TRIP10: variants seen among roughly 807,000 people sequenced by gnomAD.
TRIP10 encodes cdc42-interacting protein 4.
Under a neutral mutation model 80.9 loss-of-function variants are expected in TRIP10, and 54 were observed. The ratio of observed to expected loss-of-function variants is 0.67; its 90% confidence interval spans 0.54 to 0.84. TRIP10 has a LOEUF of 0.84. Among genes scored for constraint, TRIP10 ranks in the 40% least tolerant of loss-of-function variants. The pLI is 0.00. For missense variants in TRIP10, 773 were observed against 815.3 expected (o/e 0.95, Z 0.63); for synonymous variants, 321 against 307.2 (o/e 1.04, Z -0.47).
chr19:6,751,046 C>T lies in TRIP10; in HGVS notation c.1658-17C>T. ...TTGCCTAAAGCAGATCTGGGCCCAC[C>T]CCCACCCCCATCACAGGGTCCAGCG... On this transcript the variant is annotated splice_polypyrimidine_tract_variant and intron_variant, in intron 14 of 14. Coordinates refer to ENST00000313244, the MANE Select transcript of TRIP10 (RefSeq NM_001288962.2). 2 of 1,520,236 alleles carry T rather than the reference C, an allele frequency of 1.3e-6. No homozygotes were observed. Among genetic ancestry groups the T allele is most frequent in the Non-Finnish European group, 8.8e-7 (1 of 1,133,076 alleles). 94.2% of individuals were successfully genotyped at this position (1,520,236 alleles called of 1,614,324 possible).
Position 6,744,904 on chromosome 19 carries a change from C to A in TRIP10, c.894C>A (p.Ser298Arg). ...CCATGAACCGTGCACCCTCCGACAG[C>A]AGTCTGGGCACCCCCTCGGATGGAC... ...SQPMNRAPSD[S>R]SLGTPSDGRP... Residue 298 changes from serine to arginine, a missense_variant, in exon 9 of 15, where the codon AGC becomes AGA. Transcript: ENST00000313244. The surrounding 1 kb of genome is among the most constrained non-coding windows in gnomAD (Gnocchi z 4.9). The A allele has an allele frequency of 1.2e-6, 2 of 1,614,222 alleles. No homozygotes were observed. The highest frequency in any genetic ancestry group is 1.7e-6 in the Non-Finnish European group (2 of 1,180,048).
At chr19:6,743,373 T>C in intron 5 of TRIP10, 117 bp downstream of exon 5, 1 of 1,525,580 alleles carries the variant, frequency 6.6e-7, no homozygotes, top group Non-Finnish European at 9.0e-7. Context: ...CCCATAGGCT[T>C]CCAGTACTCC....
Position 6,745,181 on chromosome 19 carries a change from CG to C in TRIP10, c.984+192del. The C allele has an allele frequency of 1.3e-6, 1 of 785,966 alleles. No homozygotes were observed. The highest frequency in any genetic ancestry group is 3.0e-5 in the East Asian group (1 of 33,840). The allele number at this position is 785,966 out of a possible 1,614,324, so 48.7% of individuals were successfully genotyped here. ...GCCTGGGAGTCCCCCGAGGCGAAGG[CG>C]GGGGCAGGGTGGGGAGGTGGGGAGG... On this transcript the variant is annotated intron_variant, in intron 9 of 14. Coordinates refer to ENST00000313244, the MANE Select transcript of TRIP10 (RefSeq NM_001288962.2). The surrounding 1 kb of genome is among the most constrained non-coding windows in gnomAD (Gnocchi z 7.2).
Position 6,750,529 on chromosome 19 carries a change from C to T in TRIP10, c.1553C>T (p.Ser518Leu). ...CCAAACAGCTCTGAAGAGCCTCCCT[C>T]AGAAGAGAGCCAGGACACCCCCATT... Reference protein sequence around the residue: ...DTKESSEEPPSEESQDTPIYT... With the variant: ...DTKESSEEPPLEESQDTPIYT... The change falls in exon 14 of 15, where the codon TCA becomes TTA. Residue 518 changes from serine to leucine, a missense_variant. By Grantham distance (145) the Ser-to-Leu change is moderately radical (BLOSUM62 -2). Transcript: ENST00000313244. 6.2e-7 allele frequency: 1 copy of T among 1,614,206 alleles called. No homozygotes were observed.
chr19:6,740,975 C>CCT, intron 1 of TRIP10, 35 bp from the exon 2 acceptor site: 1 of 1,588,512 alleles, frequency 6.3e-7, no homozygotes, highest in Non-Finnish European at 8.6e-7. Flanking sequence ...GACCCCGGCC[C>CCT]CTCTCCCCTC....
rs1272896907 is a variant in TRIP10 at position 6,745,692 on chromosome 19, C to T, written c.985-337C>T. 7.1e-6 allele frequency: 7 copies of T among 985,138 alleles called. No individual in the cohort carries two copies. The highest frequency in any genetic ancestry group is 8.4e-6 in the Non-Finnish European group (7 of 829,906). 61.0% of individuals were successfully genotyped at this position (985,138 alleles called of 1,614,324 possible). ...GACATGGGCCTCCCTGCCTCCTGGA[C>T]CCATGCTTGCTCCCGGACATAACAT... On this transcript the variant is annotated intron_variant, in intron 9 of 14. Coordinates refer to ENST00000313244, the MANE Select transcript of TRIP10 (RefSeq NM_001288962.2). The surrounding 1 kb of genome is among the most constrained non-coding windows in gnomAD (Gnocchi z 7.2).
chr19:6,746,274 T>C lies in TRIP10; in HGVS notation c.1152+78T>C. 6.7e-7 allele frequency: 1 copy of C among 1,483,102 alleles called. No individual in the cohort carries two copies. Among genetic ancestry groups the C allele is most frequent in the South Asian group, 1.4e-5 (1 of 73,640 alleles). The allele number at this position is 1,483,102 out of a possible 1,614,324, so 91.9% of individuals were successfully genotyped here. A position where few individuals can be genotyped will look rare whatever the true frequency, so the allele number is the denominator to read the frequency against. On this transcript the variant is annotated intron_variant, in intron 10 of 14. Transcript: ENST00000313244. This position sits in a 1 kb window ranked among gnomAD's most constrained non-coding sequence, Gnocchi z 6.2. The stretch of plus-strand genomic sequence containing the variant: ...CGGGTGGCGGGACCCTGGGCTCGCT[T>C]CCTGCCGCTGGCTGGGCCCCTCTTC...
Position 6,739,717 on chromosome 19 carries a change from G to C in TRIP10, c.-45G>C, listed in dbSNP as rs1968848662. ...GGAGGGCGGCGGGCGGCGGGCGGCG[G>C]GGACCGGGTGCGGTGGTGGCTGCGG... On this transcript the variant is annotated 5_prime_UTR_variant, in exon 1 of 15. Transcript: ENST00000313244. 1 of 1,304,704 alleles carries C rather than the reference G, an allele frequency of 7.7e-7. No individual in the cohort carries two copies. The highest frequency in any genetic ancestry group is 1.5e-5 in the African/African-American group (1 of 65,184). The allele number at this position is 1,304,704 out of a possible 1,614,324, so 80.8% of individuals were successfully genotyped here. A position where few individuals can be genotyped will look rare whatever the true frequency, so the allele number is the denominator to read the frequency against.
Position 6,741,135 on chromosome 19 carries a change from T to TG in TRIP10, c.140+14dup. On this transcript the variant is annotated intron_variant, in intron 2 of 14. Transcript: ENST00000313244. ...ACGCCAAACAACTGCGGTGAGACCC[T>TG]GGGGTGGACGCTACGGAGGACGCGC... The TG allele has an allele frequency of 6.2e-7, 1 of 1,614,052 alleles. No homozygotes were observed.
Position 6,746,400 on chromosome 19 carries a change from C to A in TRIP10, c.1153-52C>A. On this transcript the variant is annotated intron_variant, in intron 10 of 14. Transcript: ENST00000313244. This position sits in a 1 kb window ranked among gnomAD's most constrained non-coding sequence, Gnocchi z 6.2. ...GAAATATCTCAGACGGGTGCAGAGTCTGGCAGGCTAGACTCCTTGATCCCA... is the reference window on the plus strand; with the variant it reads ...GAAATATCTCAGACGGGTGCAGAGTATGGCAGGCTAGACTCCTTGATCCCA... 6.2e-7 allele frequency: 1 copy of A among 1,601,394 alleles called. No individual in the cohort carries two copies. Among genetic ancestry groups the A allele is most frequent in the Non-Finnish European group, 8.5e-7 (1 of 1,169,606 alleles).
At chr19:6,748,447 T>A (rs1969196067) in intron 11 of TRIP10, 2 of 152,228 alleles carry the variant, frequency 1.3e-5, no homozygotes, top group African/African-American at 4.8e-5. Context: ...GCAGCCTGTT[T>A]TACCTTTTAA....
At chr19:6,741,895 G>A (rs1238010455) in intron 3 of TRIP10, among the ~76,000 whole-genome samples, 1 of 151,944 alleles carries the variant, frequency 6.6e-6, no homozygotes, top group Admixed American at 6.6e-5. Context: ...TCAGCTCACT[G>A]CAACTTCCGC....
At chr19:6,748,878 A>G (rs1805516485) in intron 11 of TRIP10, 1 of 152,184 alleles carries the variant, frequency 6.6e-6, no homozygotes, top group Non-Finnish European at 1.5e-5. Context: ...CTACCTGTAT[A>G]TATAGACATA....
In TRIP10 at chr19:6,746,511, AC is replaced by A; in HGVS notation, c.1213del (p.Gln405SerfsTer20). 1 of 1,614,206 alleles carries A rather than the reference AC, an allele frequency of 6.2e-7. No homozygotes were observed. The highest frequency in any genetic ancestry group is 8.5e-7 in the Non-Finnish European group (1 of 1,180,028). On this transcript the variant is annotated frameshift_variant, in exon 11 of 15. Coordinates refer to ENST00000313244, the MANE Select transcript of TRIP10 (RefSeq NM_001288962.2). LOFTEE classifies it high-confidence loss of function. This position sits in a 1 kb window ranked among gnomAD's most constrained non-coding sequence, Gnocchi z 6.2. ...PPEQQRKRLQ[Q>X]QLEERSRELQ... is the part of the protein sequence containing the mutation. ...CAGAGCAGCAGCGAAAACGGCTTCA[AC>A]AGCAGTTGGAAGAACGCAGTCGTGA...
In TRIP10 at chr19:6,744,469, G is replaced by C; in HGVS notation, c.643-85G>C. On this transcript the variant is annotated intron_variant, in intron 7 of 14. Coordinates refer to ENST00000313244, the MANE Select transcript of TRIP10 (RefSeq NM_001288962.2). This position sits in a 1 kb window ranked among gnomAD's most constrained non-coding sequence, Gnocchi z 4.9. ...GGCTTGGGGCTGGGGCCAGCGTGGA[G>C]CGCGATCATATTTGCAGAGTGAATC... 1 of 1,577,776 alleles carries C rather than the reference G, an allele frequency of 6.3e-7. No individual in the cohort carries two copies. Among genetic ancestry groups the C allele is most frequent in the Middle Eastern group, 1.7e-4 (1 of 5,986 alleles).
At chr19:6,750,139 CGGGG>C in intron 12 of TRIP10, 73 bp downstream of exon 12, 2 of 376,620 alleles carry the variant, frequency 5.3e-6, no homozygotes, top group Non-Finnish European at 8.4e-6. Context: ...GGTGGGGGGT[CGGGG>C]ACAGGGGAGG....
chr19:6,743,963 T>A, intron 7 of TRIP10, 127 bp downstream of exon 7: 1 of 1,263,008 alleles, frequency 7.9e-7, no homozygotes, highest in Non-Finnish European at 1.1e-6. Context: ...CAGAAACCTA[T>A]AGTAACAGTG....
intron 3 of TRIP10, 48 bp downstream of exon 3, chr19:6,741,329 T>C (rs376175441): frequency 8.0e-5 from 125 of 1,567,250 alleles, no homozygotes; most frequent in Non-Finnish European, 1.1e-4. Context: ...GGAAAGGCGG[T>C]GCTTGGGTCT....
chr19:6,742,900 C>T (rs1968963698), intron 3 of TRIP10, 67 bp from the exon 4 acceptor site: 1 of 1,586,972 alleles, frequency 6.3e-7, no homozygotes, highest in Non-Finnish European at 8.6e-7. Flanking sequence ...GAGGTGCGTC[C>T]TGGGGCATCA....
Sources: allele counts gnomAD v4.1 joint callset (sites outside exome capture counted in the v4.1 genomes callset), GRCh38; gene constraint gnomAD v4.1.1; non-coding constraint Gnocchi (gnomAD v3.1); transcripts MANE v1.5; gene names NCBI Gene and HGNC (gene_info 2026-07-23, HGNC 2026-07-21).